Variants in LTA4H observed in about 807,000 individuals in gnomAD.
LTA4H encodes leukotriene A4 hydrolase.
In LTA4H, 59 loss-of-function variants were observed where a neutral mutation model predicts 89.8. The observed-to-expected ratio is 0.66, with a 90% CI of 0.53 to 0.82. The LOEUF is 0.82. Ranked by LOEUF, LTA4H falls within the 40% of genes least tolerant of loss-of-function variation. LTA4H has a pLI of 0.00. For synonymous variants in LTA4H, 227 were observed against 253.1 expected, an observed-to-expected ratio of 0.90 and a Z score of 0.98; for missense variants, 617 against 727.0, an observed-to-expected ratio of 0.85 and a Z score of 1.74.
At chr12:96,040,080 T>C (rs1005236659), upstream of LTA4H, among the ~76,000 whole-genome samples, 14 of 152,190 alleles carry the variant, frequency 9.2e-5, no homozygotes, top group Non-Finnish European at 1.8e-4. Context: ...TAACATAGCA[T>C]TTGAGATGGG....
chr12:96,041,256 C>A (rs574915296), intron 1 of LTA4H, among the ~76,000 whole-genome samples: 110 of 151,996 alleles, frequency 7.2e-4, no homozygotes, highest in African/African-American at 2.5e-3. Context: ...TGTATAAGTT[C>A]ACTTTTTTGT....
At chr12:96,014,489 G>C (rs1950347926) in intron 12 of LTA4H, among the ~76,000 whole-genome samples, 1 of 152,074 alleles carries the variant, frequency 6.6e-6, no homozygotes, top group Non-Finnish European at 1.5e-5. Context: ...AAATGATCTG[G>C]AGCCATTTAC....
intron 18 of LTA4H, 86 bp from the exon 19 acceptor site, chr12:96,001,192 G>A (rs1221774606): frequency 7.4e-6 from 6 of 815,572 alleles, no homozygotes; most frequent in East Asian, 2.5e-5. Context: ...AAGAAAGGAG[G>A]GAAGGGGTTC....
intron 17 of LTA4H, 103 bp downstream of exon 17, chr12:96,003,735 C>A: frequency 1.6e-6 from 1 of 641,382 alleles, no homozygotes; most frequent in East Asian, 3.0e-5. Context: ...ACAAGGAATT[C>A]TCAAGACTCA....
At chr12:96,036,513 C>T (rs1950648884), upstream of LTA4H, among the ~76,000 whole-genome samples, 1 of 152,086 alleles carries the variant, frequency 6.6e-6, no homozygotes, top group African/African-American at 2.4e-5. Flanking sequence ...TTATAAAATG[C>T]GGTATCAAAA....
At position 96,020,964 on chromosome 12, in the gene LTA4H, A is replaced by G. The variant is rs1950445469; in HGVS notation, c.638+121T>C. The G allele has an allele frequency of 5.4e-6, 4 of 745,304 alleles. No individual in the cohort carries two copies. The East Asian group carries it at 1.1e-4, about 21-fold the overall frequency. The allele number at this position is 745,304 out of a possible 1,614,324, so 46.2% of individuals were successfully genotyped here. On this transcript the variant is annotated intron_variant, in intron 6 of 18. Coordinates refer to ENST00000228740, the MANE Select transcript of LTA4H (RefSeq NM_000895.3). ...CTACATTTTAGATTTGAATTTTTCTAGAGCTGTCAGCTTGATATCTTGAGA... is the reference window on the plus strand; with the variant it reads ...CTACATTTTAGATTTGAATTTTTCTGGAGCTGTCAGCTTGATATCTTGAGA...
chr12:96,012,175 T>TA (rs2136879705), intron 14 of LTA4H: 1 of 152,378 alleles, frequency 6.6e-6, no homozygotes, highest in African/African-American at 2.4e-5. Flanking sequence ...CCTGGCTGTT[T>TA]AAAGTGCTTT....
At chr12:96,006,788 A>G (rs75176123) in intron 15 of LTA4H, among the ~76,000 whole-genome samples, 1,790 of 152,280 alleles carry the variant, frequency 0.012, 35 homozygotes, top group African/African-American at 0.042. Flanking sequence ...ATATTTTTAA[A>G]TATTACATTA....
At chr12:96,016,934 G>T in intron 10 of LTA4H, 110 bp downstream of exon 10, 2 of 764,670 alleles carry the variant, frequency 2.6e-6, no homozygotes, top group Non-Finnish European at 4.6e-6. Context: ...CCTAAGAGAT[G>T]ATAACAAAGA....
intron 1 of LTA4H, among the ~76,000 whole-genome samples, chr12:96,030,402 G>A (rs1368018870): frequency 6.6e-6 from 1 of 152,022 alleles, no homozygotes; most frequent in African/African-American, 2.4e-5. Flanking sequence ...CCCTCCCCAG[G>A]ACCTCAGTCG....
intron 8 of LTA4H, among the ~76,000 whole-genome samples, chr12:96,018,119 G>A (rs1950403294): frequency 6.6e-6 from 1 of 152,006 alleles, no homozygotes; most frequent in Admixed American, 6.6e-5. Context: ...CACACCAAGT[G>A]TAATTGGTAT....
intron 16 of LTA4H, among the ~76,000 whole-genome samples, chr12:96,004,664 C>T (rs1475834405): frequency 1.3e-5 from 2 of 152,146 alleles, no homozygotes. Context: ...CCCCTCCAAC[C>T]ACGACCTCCT....
intron 2 of LTA4H, among the ~76,000 whole-genome samples, chr12:96,028,544 C>T (rs1950537641): frequency 1.3e-5 from 2 of 152,162 alleles, no homozygotes; most frequent in Non-Finnish European, 2.9e-5. Flanking sequence ...TCTAAGGTTC[C>T]CTTTCCTCAT....
intron 18 of LTA4H, 71 bp from the exon 19 acceptor site, chr12:96,001,177 G>A: frequency 3.2e-6 from 3 of 938,038 alleles, no homozygotes. Context: ...GGGAGGGAGA[G>A]AAGAAAGAAA....
At chr12:96,023,075 T>C (rs1385932987) in intron 4 of LTA4H, among the ~76,000 whole-genome samples, 2 of 152,172 alleles carry the variant, frequency 1.3e-5, no homozygotes, top group Non-Finnish European at 2.9e-5. Context: ...ATTCTGAAAG[T>C]TTGATTTCTG....
chr12:96,014,987 C>T lies in LTA4H; in HGVS notation c.1072G>A (p.Gly358Arg). Reference sequence around the variant, plus strand: ...AGTTTGGTGAAAGGATGTGTCTCCCCAAATGTCTTTACCTGCAAGACATGA... The same window carrying T: ...AGTTTGGTGAAAGGATGTGTCTCCCTAAATGTCTTTACCTGCAAGACATGA... ...GELQNSVKTF[G>R]ETHPFTKLVV... Residue 358 changes from glycine (G) to arginine (R), a missense_variant, in exon 12 of 19, where the codon GGG becomes AGG. By Grantham distance (125) the Gly-to-Arg change is moderately radical (BLOSUM62 -2). Around this residue, in one of 3 missense-constraint regions of LTA4H, gnomAD observed 290 missense variants for 339.1 expected, o/e 0.86. Transcript: ENST00000228740. 6.2e-7 allele frequency: 1 copy of T among 1,609,916 alleles called. No individual in the cohort carries two copies. Among genetic ancestry groups the T allele is most frequent in the Non-Finnish European group, 8.5e-7 (1 of 1,178,862 alleles).
intron 1 of LTA4H, among the ~76,000 whole-genome samples, chr12:96,041,697 A>G (rs1950687329): frequency 6.6e-6 from 1 of 152,116 alleles, no homozygotes; most frequent in Admixed American, 6.5e-5. Context: ...GCCGGAGTGC[A>G]GTGGCACAAT....
intron 1 of LTA4H, among the ~76,000 whole-genome samples, chr12:96,030,628 C>T (rs946533010): frequency 1.3e-5 from 2 of 152,182 alleles, no homozygotes; most frequent in Admixed American, 6.5e-5. Context: ...TCATACTTTT[C>T]CTTTCTTTCC....
At chr12:96,043,131 G>T (rs1950700452) in intron 1 of LTA4H, among the ~76,000 whole-genome samples, 1 of 152,112 alleles carries the variant, frequency 6.6e-6, no homozygotes. Context: ...GCTCCTCTTT[G>T]CTTTCTCCAC....
Sources: gnomAD v4.1 joint callset for allele counts (sites outside exome capture counted in the v4.1 genomes callset) on GRCh38, gnomAD v4.1.1 for gene constraint, gnomAD v4.1.1 regional missense constraint, MANE v1.5 for transcripts, NCBI Gene and HGNC (gene_info 2026-07-23, HGNC 2026-07-21) for gene names.